TMED6: variants seen among roughly 807,000 people sequenced by gnomAD.
TMED6 encodes the protein transmembrane p24 trafficking protein 6.
Under a neutral mutation model 26.5 loss-of-function variants are expected in TMED6, and 17 were observed. The observed-to-expected ratio is 0.64, with a 90% CI of 0.44 to 0.96. TMED6 has a LOEUF of 0.96. Among genes scored for constraint, TMED6 ranks in the 40% least tolerant of loss-of-function variants. The pLI is 0.00. For synonymous variants in TMED6, 107 were observed against 106.2 expected (o/e 1.01, Z -0.04); for missense variants, 309 against 296.5 (o/e 1.04, Z -0.31).
At chr16:69,345,801 G>A (rs576180283) in intron 3 of TMED6, among the ~76,000 whole-genome samples, 90 of 149,556 alleles carry the variant, frequency 6.0e-4, no homozygotes, top group African/African-American at 2.0e-3. Context: ...TAAGCCTCCC[G>A]AGTGGCTGGG....
chr16:69,343,915 A>G (rs1032301932), intron 3 of TMED6, among the ~76,000 whole-genome samples: 3 of 152,058 alleles, frequency 2.0e-5, no homozygotes, highest in African/African-American at 7.2e-5. Context: ...TGCAGCCTCA[A>G]CCTTCTGCGC....
chr16:69,350,899 C>G (rs1485029268), intron 1 of TMED6, among the ~76,000 whole-genome samples: 1 of 152,134 alleles, frequency 6.6e-6, no homozygotes, highest in Admixed American at 6.6e-5. Flanking sequence ...TAACCGATTT[C>G]TAAGATAAAG....
Position 69,343,479 on chromosome 16 carries a change from G to C in TMED6, c.651C>G (p.Ile217Met), listed in dbSNP as rs1386102613. ...GACGCTTCAAGAAATACAGTTGCAG[G>C]ATCCCAGAAAGAATAATAACAAGGC... ...AQSLVIILSG[I>M]LQLYFLKRLF... The change falls in exon 4 of 4, where the codon ATC becomes ATG. Residue 217 changes from isoleucine (I) to methionine (M), a missense_variant. Physicochemically the swap from Ile to Met is conservative, Grantham distance 10 (BLOSUM62 1). Coordinates refer to ENST00000288025, the MANE Select transcript of TMED6 (RefSeq NM_144676.4). 3 of 1,614,134 alleles carry C rather than the reference G, an allele frequency of 1.9e-6. No individual in the cohort carries two copies. The South Asian group carries it at 3.3e-5, about 18-fold the overall frequency.
rs752533376 is a variant in TMED6, at chr16:69,351,500, GAAAA to G, written c.213+37_213+40del. The G allele has an allele frequency of 2.8e-6, 4 of 1,404,620 alleles. No individual in the cohort carries two copies. In the East Asian group the frequency reaches 1.0e-4, roughly 35 times the overall value. 87.0% of individuals were successfully genotyped at this position (1,404,620 alleles called of 1,614,324 possible). A position where few individuals can be genotyped will look rare whatever the true frequency, so the allele number is the denominator to read the frequency against. On this transcript the variant is annotated intron_variant, in intron 1 of 3. Transcript: ENST00000288025. ...CCTGACCCACTTTATGAGTAAAGGA[GAAAA>G]AAAAAAGCCCCCCAGTATGGCCAGT...
chr16:69,348,502 A>G (rs2012724307), intron 2 of TMED6: 1 of 151,982 alleles, frequency 6.6e-6, no homozygotes, highest in African/African-American at 2.4e-5. Flanking sequence ...GGTGGGAAGG[A>G]GCAAGGTGGA....
At chr16:69,350,520 G>C (rs933787624) in intron 1 of TMED6, among the ~76,000 whole-genome samples, 1 of 151,950 alleles carries the variant, frequency 6.6e-6, no homozygotes, top group African/African-American at 2.4e-5. Flanking sequence ...AGGTGGTCTC[G>C]AACTCCTGAC....
chr16:69,347,366 C>T (rs975003705), intron 3 of TMED6, among the ~76,000 whole-genome samples: 2 of 152,080 alleles, frequency 1.3e-5, no homozygotes, highest in African/African-American at 4.8e-5. Flanking sequence ...AGCTTCAAGT[C>T]GTAATTTATT....
intron 2 of TMED6, chr16:69,348,286 C>A: frequency 1.1e-5 from 2 of 179,010 alleles, no homozygotes; most frequent in Admixed American, 5.7e-5. Flanking sequence ...TCCTTGTATA[C>A]AATTAAAGCT....
chr16:69,345,678 CAAAAA>C (rs34468905), intron 3 of TMED6, among the ~76,000 whole-genome samples: 144 of 43,414 alleles, frequency 3.3e-3, no homozygotes, highest in Non-Finnish European at 5.1e-3. Flanking sequence ...CTGACTCTCT[CAAAAA>C]AAAAAAAAAA....
intron 1 of TMED6, among the ~76,000 whole-genome samples, chr16:69,351,276 T>G (rs1567438583): frequency 6.6e-6 from 1 of 152,222 alleles, no homozygotes; most frequent in Non-Finnish European, 1.5e-5. Context: ...ATGTAATGAT[T>G]ACCTCTTCAG....
At chr16:69,350,378 C>A (rs1477764788) in intron 1 of TMED6, among the ~76,000 whole-genome samples, 1 of 151,588 alleles carries the variant, frequency 6.6e-6, no homozygotes, top group Non-Finnish European at 1.5e-5. Context: ...TGGCTCACTG[C>A]AACCTCCACC....
Position 69,351,638 on chromosome 16 carries a change from G to C in TMED6, c.116C>G (p.Ala39Gly), listed in dbSNP as rs767813776. The part of the protein sequence containing the change: ...GSGDQPLFRG[A>G]DRYDFAIMIP... ...CATGATGGCAAAGTCATATCGATCA[G>C]CTCCACGGAAGAGTGGCTGGTCCCC... is the stretch of plus-strand genomic sequence containing the variant. Residue 39 changes from alanine to glycine, a missense_variant, in exon 1 of 4, where the codon GCT becomes GGT. Transcript: ENST00000288025. 3.7e-6 allele frequency: 6 copies of C among 1,614,064 alleles called. No homozygotes were observed. The South Asian group carries it at 6.6e-5, about 18-fold the overall frequency.
intron 3 of TMED6, among the ~76,000 whole-genome samples, chr16:69,345,358 A>G (rs2012666959): frequency 6.6e-6 from 1 of 152,110 alleles, no homozygotes; most frequent in Non-Finnish European, 1.5e-5. Flanking sequence ...AGGGATTTGT[A>G]TCCAGAATAT....
In TMED6 at chr16:69,343,259, G is replaced by A; in HGVS notation, c.*148C>T. 1 of 677,184 alleles carries A rather than the reference G, an allele frequency of 1.5e-6. No homozygotes were observed. The highest frequency in any genetic ancestry group is 2.0e-5 in the South Asian group (1 of 50,488). The allele number at this position is 677,184 out of a possible 1,614,324, so 41.9% of individuals were successfully genotyped here. On this transcript the variant is annotated 3_prime_UTR_variant, in exon 4 of 4. Transcript: ENST00000288025. ...CATACTTCTTCAGAACTTTTTCACT[G>A]TTATGATTTTATTGCCATTTTGCTT...
chr16:69,347,764 C>G (rs115954628), intron 3 of TMED6, 24 bp downstream of exon 3: 1 of 1,612,694 alleles, frequency 6.2e-7, no homozygotes, highest in Non-Finnish European at 8.5e-7. Context: ...ACAGATGTTT[C>G]TCTTCCACAA....
At chr16:69,346,286 A>T (rs75934052) in intron 3 of TMED6, among the ~76,000 whole-genome samples, 1,773 of 152,356 alleles carry the variant, frequency 0.012, 21 homozygotes, top group Non-Finnish European at 0.016. Flanking sequence ...ACTTGCATGC[A>T]AATGTCCATA....
intron 3 of TMED6, among the ~76,000 whole-genome samples, chr16:69,345,149 C>T (rs1029838725): frequency 2.6e-5 from 4 of 152,038 alleles, no homozygotes; most frequent in Admixed American, 6.6e-5. Context: ...TTGTGGCACA[C>T]GCCTGTAGTC....
chr16:69,345,160 C>A (rs2012663722), intron 3 of TMED6, among the ~76,000 whole-genome samples: 1 of 151,956 alleles, frequency 6.6e-6, no homozygotes, highest in Non-Finnish European at 1.5e-5. Context: ...GCCTGTAGTC[C>A]CAGCTACTCA....
chr16:69,346,058 A>G (rs1358367953), intron 3 of TMED6, among the ~76,000 whole-genome samples: 1 of 152,248 alleles, frequency 6.6e-6, no homozygotes. Context: ...GATGCTCAAC[A>G]TTATTAATCA....
Sources: allele counts gnomAD v4.1 joint callset (sites outside exome capture counted in the v4.1 genomes callset), GRCh38; gene constraint gnomAD v4.1.1; transcripts MANE v1.5; gene names NCBI Gene and HGNC (gene_info 2026-07-23, HGNC 2026-07-21).